SNX29: variants seen among roughly 807,000 people sequenced by gnomAD.
SNX29 encodes sorting nexin 29.
Under a neutral mutation model 102.1 loss-of-function variants are expected in SNX29, and 78 were observed. The ratio of observed to expected loss-of-function variants is 0.76; its 90% CI spans 0.64 to 0.92. The LOEUF is 0.92. Ranked by LOEUF, SNX29 falls within the 40% of genes least tolerant of loss-of-function variation. The pLI, the probability that SNX29 is intolerant of heterozygous loss-of-function variation, is 0.00. For synonymous variants in SNX29, 580 were observed against 414.5 expected (o/e 1.40, Z -4.85); for missense variants, 1,280 against 1,061.7 (o/e 1.21, Z -2.86).
At chr16:12,475,353 A>G (rs577613954) in intron 18 of SNX29, among the ~76,000 whole-genome samples, 1 of 152,348 alleles carries the variant, frequency 6.6e-6, no homozygotes, top group East Asian at 1.9e-4. Flanking sequence ...GTTGGTGGAA[A>G]AATAACAATA....
At chr16:12,319,327 C>G (rs2080853856) in intron 15 of SNX29, among the ~76,000 whole-genome samples, 2 of 152,156 alleles carry the variant, frequency 1.3e-5, no homozygotes, top group South Asian at 2.1e-4. Context: ...CATAGACCGT[C>G]TCTACAAAAG....
intron 18 of SNX29, among the ~76,000 whole-genome samples, chr16:12,422,905 G>A (rs1293559213): frequency 6.6e-6 from 1 of 152,198 alleles, no homozygotes; most frequent in Non-Finnish European, 1.5e-5. Flanking sequence ...GGCTTTAAAG[G>A]TTGGACTGGA....
chr16:12,417,446 A>C (rs923249897), intron 18 of SNX29, among the ~76,000 whole-genome samples: 1 of 152,120 alleles, frequency 6.6e-6, no homozygotes, highest in African/African-American at 2.4e-5. Context: ...CACATCAGGG[A>C]GGGAGATGAG....
At chr16:12,466,961 G>T (rs563261340) in intron 18 of SNX29, among the ~76,000 whole-genome samples, 148 of 152,342 alleles carry the variant, frequency 9.7e-4, no homozygotes, top group African/African-American at 3.2e-3. Flanking sequence ...GAGCCAAAGG[G>T]TGGGCACCTG....
intron 18 of SNX29, among the ~76,000 whole-genome samples, chr16:12,411,376 C>T (rs531848615): frequency 4.6e-4 from 70 of 152,264 alleles, no homozygotes; most frequent in South Asian, 1.0e-3. Context: ...CTTTCCACCC[C>T]GGCGTTCTGA....
chr16:12,316,741 C>T (rs2080758638), intron 15 of SNX29, among the ~76,000 whole-genome samples: 1 of 152,156 alleles, frequency 6.6e-6, no homozygotes, highest in Admixed American at 6.5e-5. Context: ...CTCCTTCCTG[C>T]CCCTGGCTTC....
intron 20 of SNX29, among the ~76,000 whole-genome samples, chr16:12,539,210 A>T (rs1448828032): frequency 6.6e-6 from 1 of 152,178 alleles, no homozygotes; most frequent in East Asian, 1.9e-4. Context: ...AACCACCATC[A>T]CCGTCAAGAT....
At chr16:12,071,255 T>C (rs368282219) in intron 10 of SNX29, among the ~76,000 whole-genome samples, 5 of 152,284 alleles carry the variant, frequency 3.3e-5, no homozygotes, top group Non-Finnish European at 5.9e-5. Context: ...ATGCCTATGT[T>C]CTGAATGGTA....
At chr16:12,156,909 T>C (rs1306897823) in intron 13 of SNX29, among the ~76,000 whole-genome samples, 1 of 152,126 alleles carries the variant, frequency 6.6e-6, no homozygotes, top group African/African-American at 2.4e-5. Context: ...TTTTCACTTC[T>C]GTGGGGTGGG....
At chr16:12,448,448 A>G (rs554736892) in intron 18 of SNX29, among the ~76,000 whole-genome samples, 1 of 147,414 alleles carries the variant, frequency 6.8e-6, no homozygotes, top group Non-Finnish European at 1.5e-5. Context: ...AGATTATTAA[A>G]TTGTTCAAGG....
At chr16:12,540,037 ATTTAC>A (rs1211502673) in intron 20 of SNX29, among the ~76,000 whole-genome samples, 2 of 152,034 alleles carry the variant, frequency 1.3e-5, no homozygotes, top group African/African-American at 2.4e-5. Flanking sequence ...TTTTGATGAA[ATTTAC>A]TTTTTGTGTC....
intron 1 of SNX29, among the ~76,000 whole-genome samples, chr16:11,987,907 C>T (rs1167466018): frequency 6.6e-6 from 1 of 152,296 alleles, no homozygotes; most frequent in African/African-American, 2.4e-5. Context: ...ATTGCCACAT[C>T]GCTTTTCAGA....
chr16:12,086,358 A>T (rs1179847096), intron 11 of SNX29, among the ~76,000 whole-genome samples: 2 of 152,150 alleles, frequency 1.3e-5, no homozygotes, highest in South Asian at 2.1e-4. Context: ...GTCACCAGCC[A>T]GGGCAAGCAG....
intron 14 of SNX29, among the ~76,000 whole-genome samples, chr16:12,202,626 C>G (rs1476755853): frequency 1.3e-5 from 2 of 152,204 alleles, no homozygotes; most frequent in Non-Finnish European, 2.9e-5. Context: ...ACCCTTTCTC[C>G]TCGCCACGGA....
chr16:12,018,811 C>G (rs1193432655), intron 3 of SNX29, among the ~76,000 whole-genome samples: 1 of 150,520 alleles, frequency 6.6e-6, no homozygotes, highest in Non-Finnish European at 1.5e-5. Context: ...AGGTCTCGAA[C>G]TCCTGGGCTC....
At chr16:12,005,873 C>T (rs1006204279) in intron 3 of SNX29, among the ~76,000 whole-genome samples, 13 of 152,086 alleles carry the variant, frequency 8.5e-5, no homozygotes, top group East Asian at 1.9e-4. Context: ...ATCTGAAATC[C>T]GAAACATTTC....
chr16:12,088,285 G>T (rs76370896), intron 11 of SNX29: 5,747 of 361,804 alleles, frequency 0.016, 318 homozygotes, highest in African/African-American at 0.11. Flanking sequence ...GAGCAGGGGC[G>T]GGTGTTGGGT....
chr16:12,117,945 A>C (rs1270723886), intron 11 of SNX29, among the ~76,000 whole-genome samples: 1 of 151,852 alleles, frequency 6.6e-6, no homozygotes, highest in Non-Finnish European at 1.5e-5. Context: ...AATACAAAAA[A>C]ACTTAGCCGG....
At chr16:12,076,581 C>T (rs912579303) in intron 10 of SNX29, among the ~76,000 whole-genome samples, 8 of 152,140 alleles carry the variant, frequency 5.3e-5, no homozygotes, top group Admixed American at 3.9e-4. Context: ...GGATTCCAGG[C>T]GTGAGCCACC....
Sources: gnomAD v4.1 joint callset for allele counts (sites outside exome capture counted in the v4.1 genomes callset) on GRCh38, gnomAD v4.1.1 for gene constraint, MANE v1.5 for transcripts, NCBI Gene and HGNC (gene_info 2026-07-23, HGNC 2026-07-21) for gene names.